KCNS3: variants seen among roughly 807,000 people sequenced by gnomAD.
KCNS3 encodes the protein potassium voltage-gated channel modifier subfamily S member 3, also known as delayed-rectifier potassium channel regulatory subunit KCNS3.
A neutral mutation model predicts 31.0 loss-of-function variants in KCNS3; 13 were observed. The ratio of observed to expected loss-of-function variants is 0.42; its 90% confidence interval spans 0.27 to 0.67. The LOEUF is 0.67. KCNS3 is among the 30% of genes least tolerant of loss of function. KCNS3 has a pLI of 0.25. For synonymous variants in KCNS3, 238 were observed against 241.5 expected (o/e 0.99, Z 0.13); for missense variants, 545 against 622.4 (o/e 0.88, Z 1.32).
At chr2:17,929,316 G>A (rs1268038334) in intron 2 of KCNS3, among the ~76,000 whole-genome samples, 1 of 152,146 alleles carries the variant, frequency 6.6e-6, no homozygotes, top group Non-Finnish European at 1.5e-5. Context: ...GGCATGGCTG[G>A]GGAGGCCTCA....
At chr2:17,888,040 ATTTG>A (rs1661728542) in intron 1 of KCNS3, among the ~76,000 whole-genome samples, 1 of 150,276 alleles carries the variant, frequency 6.7e-6, no homozygotes, top group African/African-American at 2.5e-5. Flanking sequence ...TTTTGTGCTG[ATTTG>A]TTTGAGTTTG....
intron 2 of KCNS3, among the ~76,000 whole-genome samples, chr2:17,923,938 A>C (rs905763858): frequency 5.9e-5 from 9 of 152,034 alleles, no homozygotes; most frequent in African/African-American, 2.2e-4. Context: ...TATTTAATCT[A>C]TGAATTAATT....
At chr2:17,898,275 T>G (rs1662080115) in intron 1 of KCNS3, among the ~76,000 whole-genome samples, 1 of 151,840 alleles carries the variant, frequency 6.6e-6, no homozygotes, top group Non-Finnish European at 1.5e-5. Flanking sequence ...TAAGATTGCT[T>G]TGGCTATTCA....
At chr2:17,908,599 C>G (rs1041747408) in intron 1 of KCNS3, among the ~76,000 whole-genome samples, 26 of 152,046 alleles carry the variant, frequency 1.7e-4, no homozygotes, top group Non-Finnish European at 3.4e-4. Context: ...TTTTATCTAC[C>G]TTTGGTCTTT....
intron 1 of KCNS3, among the ~76,000 whole-genome samples, chr2:17,902,048 G>C (rs1255206080): frequency 6.6e-6 from 1 of 152,140 alleles, no homozygotes; most frequent in East Asian, 1.9e-4. Context: ...AGAGGACACA[G>C]AGTTTCACAG....
intron 1 of KCNS3, among the ~76,000 whole-genome samples, chr2:17,911,368 G>A (rs1381868017): frequency 6.6e-6 from 1 of 152,182 alleles, no homozygotes; most frequent in Admixed American, 6.5e-5. Context: ...GAGGGCTTTG[G>A]CTGGGGGCTG....
At chr2:17,910,542 G>A (rs1662446677) in intron 1 of KCNS3, among the ~76,000 whole-genome samples, 1 of 152,088 alleles carries the variant, frequency 6.6e-6, no homozygotes, top group Non-Finnish European at 1.5e-5. Flanking sequence ...GTTGTTGTCA[G>A]CATATCAGTT....
At chr2:17,926,048 C>T (rs1217916113) in intron 2 of KCNS3, among the ~76,000 whole-genome samples, 5 of 152,178 alleles carry the variant, frequency 3.3e-5, no homozygotes, top group South Asian at 2.1e-4. Context: ...GAGAAATAGG[C>T]CAAAGCAAAG....
At chr2:17,927,509 T>A (rs1662865282) in intron 2 of KCNS3, among the ~76,000 whole-genome samples, 1 of 152,218 alleles carries the variant, frequency 6.6e-6, no homozygotes, top group African/African-American at 2.4e-5. Flanking sequence ...AAAGAAAATA[T>A]GTTTAATTGA....
chr2:17,878,434 G>A (rs1356648062), upstream of KCNS3, among the ~76,000 whole-genome samples: 1 of 151,834 alleles, frequency 6.6e-6, no homozygotes. Flanking sequence ...GCGGCCGGCA[G>A]GGCAGCATCT....
At chr2:17,878,218 G>T (rs1253861378), upstream of KCNS3, among the ~76,000 whole-genome samples, 7 of 152,116 alleles carry the variant, frequency 4.6e-5, no homozygotes, top group Non-Finnish European at 8.8e-5. Flanking sequence ...AGGCAAATTA[G>T]CAAAGTGTCG....
At position 17,888,629 on chromosome 2, in the gene KCNS3, G is replaced by GTATATCTATATC. The variant is rs35102585; in HGVS notation, c.-252+9828_-252+9829insCTATATCTATAT. Among the ~76,000 whole-genome samples, 599 of 92,334 alleles carry GTATATCTATATC rather than the reference G, an allele frequency of 6.5e-3. 34 individuals are homozygous for GTATATCTATATC. Among genetic ancestry groups the GTATATCTATATC allele is most frequent in the East Asian group, 0.055 (102 of 1,854 alleles). 60.6% of individuals were successfully genotyped at this position (92,334 alleles called of 152,430 possible). On this transcript the variant is annotated intron_variant, in intron 1 of 2. Transcript: ENST00000304101. ...GAACTTAAAGTATAATAAAAAAAAT[G>GTATATCTATATC]TATATATATATATATATATATATAT...
At chr2:17,888,653 A>C (rs542905639) in intron 1 of KCNS3, among the ~76,000 whole-genome samples, 30 of 134,198 alleles carry the variant, frequency 2.2e-4, no homozygotes, top group Admixed American at 1.1e-3. Flanking sequence ...ATATATATAT[A>C]TATATATATA....
chr2:17,914,297 G>T (rs544450920), intron 1 of KCNS3, among the ~76,000 whole-genome samples: 9 of 152,352 alleles, frequency 5.9e-5, no homozygotes, highest in African/African-American at 2.2e-4. Context: ...AGCAAGGTGT[G>T]TGGGAACCCA....
In KCNS3 at chr2:17,919,094, G is replaced by T. The variant is rs149388972; in HGVS notation, c.-60+1223G>T. 1.4e-3 allele frequency among the ~76,000 whole-genome samples: 208 copies of T among 152,356 alleles called. 2 individuals carry two copies. The highest frequency in any genetic ancestry group is 2.2e-3 in the Non-Finnish European group (147 of 68,038). On this transcript the variant is annotated intron_variant, in intron 2 of 2. Transcript: ENST00000304101. ...CTTTTTACAAAGAGGACAGCTTTCT[G>T]GTTGTTTGGCTCACTAAATCACTCA...
At chr2:17,896,536 CTT>C (rs531758774) in intron 1 of KCNS3, among the ~76,000 whole-genome samples, 4 of 143,862 alleles carry the variant, frequency 2.8e-5, no homozygotes, top group Non-Finnish European at 3.1e-5. Flanking sequence ...TCCTTAGACT[CTT>C]TTTTTTTTTT....
chr2:17,884,268 A>AAAAT (rs1459540269), intron 1 of KCNS3, among the ~76,000 whole-genome samples: 117 of 46,652 alleles, frequency 2.5e-3, no homozygotes, highest in African/African-American at 8.1e-3. Flanking sequence ...AAAAAAAAAA[A>AAAAT]ATATATATAT....
rs190627730 is a variant in KCNS3, at chr2:17,906,661, G to T, written c.-251-11019G>T. Among the ~76,000 whole-genome samples the T allele has an allele frequency of 4.8e-4, 73 of 152,152 alleles. 1 individual carries two copies. The highest frequency in any genetic ancestry group is 1.6e-3 in the African/African-American group (65 of 41,496). On this transcript the variant is annotated intron_variant, in intron 1 of 2. Coordinates refer to ENST00000304101, the MANE Select transcript of KCNS3 (RefSeq NM_002252.5). The stretch of plus-strand genomic sequence containing the variant: ...CCCAGAGATTCTGGTATGTTGTGTC[G>T]TTGTTCTCATTGGTTTCAAAGAACA...
intron 1 of KCNS3, among the ~76,000 whole-genome samples, chr2:17,917,468 T>C (rs2125248812): frequency 6.6e-6 from 1 of 152,234 alleles, no homozygotes; most frequent in African/African-American, 2.4e-5. Flanking sequence ...TTCACTACTG[T>C]TGAGTTCTGA....
Sources: allele counts gnomAD v4.1 joint callset (sites outside exome capture counted in the v4.1 genomes callset), GRCh38; gene constraint gnomAD v4.1.1; transcripts MANE v1.5; gene names NCBI Gene and HGNC (gene_info 2026-07-23, HGNC 2026-07-21).